FMN2: variants seen among roughly 807,000 people sequenced by gnomAD.
The protein encoded by FMN2 is formin-2.
A neutral mutation model predicts 142.3 loss-of-function variants in FMN2; 51 were observed. The ratio of observed to expected loss-of-function variants is 0.36; its 90% CI spans 0.29 to 0.45. FMN2 has a LOEUF of 0.45. Among genes scored for constraint, FMN2 ranks in the 20% least tolerant of loss-of-function variants. FMN2 has a pLI of 1.00. For missense variants in FMN2, 1,936 were observed against 2,122.8 expected (o/e 0.91, Z 1.73); for synonymous variants, 882 against 869.8 (o/e 1.01, Z -0.25).
intron 7 of FMN2, among the ~76,000 whole-genome samples, chr1:240,260,084 G>A (rs1023976600): frequency 6.6e-6 from 1 of 152,052 alleles, no homozygotes; most frequent in Non-Finnish European, 1.5e-5. Context: ...CCATTAATTC[G>A]TTCCTTTTTA....
chr1:240,161,934 C>T (rs1444551668), intron 2 of FMN2, among the ~76,000 whole-genome samples: 1 of 151,670 alleles, frequency 6.6e-6, no homozygotes, highest in African/African-American at 2.4e-5. Context: ...AGGACAATAC[C>T]CTGGCTATAG....
intron 1 of FMN2, among the ~76,000 whole-genome samples, chr1:240,122,491 C>T (rs1662322787): frequency 6.6e-6 from 1 of 152,086 alleles, no homozygotes; most frequent in South Asian, 2.1e-4. Context: ...CCATGTTGGC[C>T]AGGCTGGTCT....
At chr1:240,120,009 C>T (rs1414222066) in intron 1 of FMN2, among the ~76,000 whole-genome samples, 1 of 152,144 alleles carries the variant, frequency 6.6e-6, no homozygotes, top group Non-Finnish European at 1.5e-5. Flanking sequence ...AACTGAAGTT[C>T]TGTAGGGGAA....
At chr1:240,131,890 A>G (rs1038919056) in intron 2 of FMN2, among the ~76,000 whole-genome samples, 2 of 152,218 alleles carry the variant, frequency 1.3e-5, no homozygotes, top group African/African-American at 2.4e-5. Flanking sequence ...TAGTTAAGCC[A>G]TAAACAGATT....
At chr1:240,309,456 C>A (rs891465979) in intron 8 of FMN2, among the ~76,000 whole-genome samples, 2 of 152,294 alleles carry the variant, frequency 1.3e-5, no homozygotes, top group East Asian at 1.9e-4. Flanking sequence ...AGGGCACAGG[C>A]AAGCCTTGGC....
intron 2 of FMN2, among the ~76,000 whole-genome samples, chr1:240,160,306 G>T (rs1052427059): frequency 1.3e-5 from 2 of 151,188 alleles, no homozygotes; most frequent in Admixed American, 1.3e-4. Context: ...TGAAATATTT[G>T]CAAATTTAAT....
chr1:240,355,168 C>G (rs1267169233), intron 13 of FMN2, among the ~76,000 whole-genome samples: 2 of 150,650 alleles, frequency 1.3e-5, no homozygotes, highest in South Asian at 2.1e-4. Flanking sequence ...CTTATTTGAG[C>G]CTTAACTTCC....
In FMN2 at chr1:240,376,249, T is replaced by C. The variant is rs140927989; in HGVS notation, c.4859-16262T>C. Reference sequence around the variant, plus strand: ...ATTTCTTTTCCTAGAGAGCATAAAGTTGAGTCTTATTTTTCTTATCCTGCC... The same window carrying C: ...ATTTCTTTTCCTAGAGAGCATAAAGCTGAGTCTTATTTTTCTTATCCTGCC... On this transcript the variant is annotated intron_variant, in intron 14 of 17. Coordinates refer to ENST00000319653, the MANE Select transcript of FMN2 (RefSeq NM_020066.5). Among the ~76,000 whole-genome samples, 41 of 152,246 alleles carry C rather than the reference T, an allele frequency of 2.7e-4. No homozygotes were observed. In the East Asian group the frequency reaches 7.9e-3, roughly 29 times the overall value.
At chr1:240,257,918 T>A in intron 6 of FMN2, 27 bp from the exon 7 acceptor site, 7 of 1,594,776 alleles carry the variant, frequency 4.4e-6, no homozygotes, top group Non-Finnish European at 6.0e-6. Context: ...ATTAACATTT[T>A]CCCCTTTTAC....
chr1:240,256,907 T>C (rs879113019), intron 6 of FMN2, among the ~76,000 whole-genome samples: 17 of 152,358 alleles, frequency 1.1e-4, no homozygotes, highest in African/African-American at 4.1e-4. Flanking sequence ...TCTGTGACTT[T>C]GTGTAACAGT....
intron 8 of FMN2, among the ~76,000 whole-genome samples, chr1:240,315,650 T>A (rs1201097654): frequency 6.6e-6 from 1 of 152,206 alleles, no homozygotes; most frequent in Admixed American, 6.5e-5. Flanking sequence ...TAGGTTGCTA[T>A]GGTATATTTG....
At chr1:240,350,059 GGTGTCCAGTCTTCTAAATATATTCCT>G (rs1672038870) in intron 13 of FMN2, among the ~76,000 whole-genome samples, 1 of 151,924 alleles carries the variant, frequency 6.6e-6, no homozygotes, top group African/African-American at 2.4e-5. Flanking sequence ...AGAGAAGAAT[GGTGTCCAGTCTTCTAAATATATTCCT>G]TATATGTAAG....
intron 16 of FMN2, among the ~76,000 whole-genome samples, chr1:240,445,439 C>T (rs1275108218): frequency 6.6e-6 from 1 of 152,178 alleles, no homozygotes; most frequent in East Asian, 1.9e-4. Context: ...GAAGAGGCAG[C>T]ATTGCTGTGG....
intron 7 of FMN2, among the ~76,000 whole-genome samples, chr1:240,289,505 C>CA (rs1189954739): frequency 3.3e-5 from 5 of 151,774 alleles, no homozygotes; most frequent in Non-Finnish European, 4.4e-5. Context: ...TTTTTCTCTA[C>CA]AAAAAAATTA....
chr1:240,178,723 C>T (rs901605251), intron 3 of FMN2, among the ~76,000 whole-genome samples: 2 of 152,066 alleles, frequency 1.3e-5, no homozygotes, highest in African/African-American at 4.8e-5. Context: ...CATGAGCCAC[C>T]GCACCTGGGC....
intron 6 of FMN2, among the ~76,000 whole-genome samples, chr1:240,243,461 CCTT>C (rs1481760717): frequency 1.3e-5 from 2 of 152,096 alleles, no homozygotes; most frequent in Non-Finnish European, 2.9e-5. Flanking sequence ...GGGTTGTTCT[CCTT>C]CTTAATTTTA....
At chr1:240,223,420 A>G (rs1283752115) in intron 6 of FMN2, among the ~76,000 whole-genome samples, 2 of 152,150 alleles carry the variant, frequency 1.3e-5, no homozygotes, top group Admixed American at 6.5e-5. Flanking sequence ...ATCGATGTTC[A>G]TTAGGGATAT....
intron 2 of FMN2, among the ~76,000 whole-genome samples, chr1:240,126,266 T>C (rs1571955248): frequency 6.6e-6 from 1 of 152,286 alleles, no homozygotes; most frequent in East Asian, 1.9e-4. Flanking sequence ...AAAATGGCTG[T>C]TGGGGACATT....
chr1:240,361,768 G>A (rs1056602218), intron 14 of FMN2, among the ~76,000 whole-genome samples: 5 of 152,200 alleles, frequency 3.3e-5, no homozygotes, highest in Non-Finnish European at 7.3e-5. Context: ...TTGAGGATTG[G>A]ACATCATAAG....
Sources: allele counts gnomAD v4.1 joint callset (sites outside exome capture counted in the v4.1 genomes callset), GRCh38; gene constraint gnomAD v4.1.1; transcripts MANE v1.5; gene names NCBI Gene and HGNC (gene_info 2026-07-23, HGNC 2026-07-21).